Variants in CACNA1I observed in about 807,000 individuals in gnomAD.
CACNA1I encodes the protein voltage-dependent T-type calcium channel subunit alpha-1I.
Under a neutral mutation model 201.6 loss-of-function variants are expected in CACNA1I, and 74 were observed. That is an observed-to-expected ratio of 0.37 (90% confidence interval 0.30 to 0.45). The LOEUF is 0.45. Ranked by LOEUF, CACNA1I falls within the 20% of genes least tolerant of loss-of-function variation. CACNA1I has a pLI of 1.00. For synonymous variants in CACNA1I, 1,431 were observed against 1,345.2 expected (o/e 1.06, Z -1.40); for missense variants, 2,346 against 3,138.1 (o/e 0.75, Z 6.03).
At position 39,624,275 on chromosome 22, in the gene CACNA1I, G is replaced by A. The variant is rs145534882; in HGVS notation, c.580+4868G>A. 1.6e-3 allele frequency among the ~76,000 whole-genome samples: 242 copies of A among 152,240 alleles called. 1 individual carries two copies. Among genetic ancestry groups the A allele is most frequent in the African/African-American group, 5.4e-3 (223 of 41,524 alleles). ...TCCTGGTTCCTCTCCTGCTGTGTGG[G>A]GAGTTCATTAAGCTGCTCCCCGGAG... On this transcript the variant is annotated intron_variant, in intron 4 of 36. Coordinates refer to ENST00000402142, the MANE Select transcript of CACNA1I (RefSeq NM_021096.4).
At chr22:39,662,527 C>T in intron 17 of CACNA1I, 92 bp downstream of exon 17, 1 of 1,009,448 alleles carries the variant, frequency 9.9e-7, no homozygotes, top group Non-Finnish European at 1.4e-6. Flanking sequence ...GCGGGCGGGC[C>T]CACGGGGGGC....
At chr22:39,663,589 CAGAGGAGA>C in intron 18 of CACNA1I, 121 bp from the exon 19 acceptor site, 7 of 1,116,366 alleles carry the variant, frequency 6.3e-6, no homozygotes, top group East Asian at 2.6e-5. Flanking sequence ...GGCACCTGGC[CAGAGGAGA>C]GGATAGGGGT....
chr22:39,685,895 A>ACCC lies in CACNA1I; in HGVS notation c.6164_6166dup (p.Pro2055dup). 1 of 1,424,786 alleles carries ACCC rather than the reference A, an allele frequency of 7.0e-7. No individual in the cohort carries two copies. The highest frequency in any genetic ancestry group is 1.5e-5 in the African/African-American group (1 of 66,386). 88.3% of individuals were successfully genotyped at this position (1,424,786 alleles called of 1,614,324 possible). ...TGGGGCCGCCCGCGCCTGCTCCAGG[A>ACCC]CCCCGGGCCGGCCTGTCCCCCGCCG... On this transcript the variant is annotated inframe_insertion, in exon 37 of 37. Transcript: ENST00000402142. This position sits in a 1 kb window ranked among gnomAD's most constrained non-coding sequence, Gnocchi z 5.0.
At chr22:39,578,214 C>T (rs1932425289) in intron 1 of CACNA1I, among the ~76,000 whole-genome samples, 1 of 152,114 alleles carries the variant, frequency 6.6e-6, no homozygotes, top group Non-Finnish European at 1.5e-5. Flanking sequence ...CCTCCCATCG[C>T]CTGCTGTCCC....
At position 39,662,109 on chromosome 22, in the gene CACNA1I, C is replaced by T. The variant is rs749016977; in HGVS notation, c.3046C>T (p.Arg1016Trp). The change falls in exon 17 of 37, where the codon CGG becomes TGG. Residue 1016 changes from arginine (R) to tryptophan (W), a missense_variant. Arg to Trp is a moderately radical substitution (Grantham distance 101). Around this residue, in one of 13 missense-constraint regions of CACNA1I, gnomAD observed 288 missense variants for 255.2 expected, o/e 1.13. Transcript: ENST00000402142. ...LLSAERGGGA[R>W]VCEVAADEGP... ...CTCTGCGGAGCGCGGCGGCGGCGCC[C>T]GGGTCTGCGAGGTTGCCGCGGACGA... 6 of 1,527,590 alleles carry T rather than the reference C, an allele frequency of 3.9e-6. No homozygotes were observed. The highest frequency in any genetic ancestry group is 1.4e-5 in the African/African-American group (1 of 70,008). The allele number at this position is 1,527,590 out of a possible 1,614,324, so 94.6% of individuals were successfully genotyped here.
At position 39,686,126 on chromosome 22, in the gene CACNA1I, G is replaced by A. The variant is rs1285142987; in HGVS notation, c.6393G>A (p.Ser2131=). The A allele has an allele frequency of 8.0e-7, 1 of 1,249,272 alleles. No homozygotes were observed. The highest frequency in any genetic ancestry group is 1.0e-6 in the Non-Finnish European group (1 of 998,486). 77.4% of individuals were successfully genotyped at this position (1,249,272 alleles called of 1,614,324 possible). Residue 2131 remains serine, a synonymous_variant, in exon 37 of 37, where the codon TCG becomes TCA. Transcript: ENST00000402142. The stretch of plus-strand genomic sequence containing the variant: ...ACTCGGAGACCCTCAGCAGCCTCTC[G>A]CTCACCTCCCTCTTCTGCCCGCCGC... ...SEHSETLSSL[S]LTSLFCPPPP...
chr22:39,627,219 G>A (rs920094838), intron 4 of CACNA1I, among the ~76,000 whole-genome samples: 5 of 152,190 alleles, frequency 3.3e-5, no homozygotes, highest in East Asian at 1.9e-4. Context: ...GTGACACCTC[G>A]AGGCCCTCTC....
chr22:39,615,455 CAG>C, intron 3 of CACNA1I, among the ~76,000 whole-genome samples: 1 of 152,188 alleles, frequency 6.6e-6, no homozygotes, highest in East Asian at 1.9e-4. Context: ...ACTGTCGGGA[CAG>C]AGGGAGGGTG....
chr22:39,686,152 C>G lies in CACNA1I; in HGVS notation c.6419C>G (p.Pro2140Arg). The change falls in exon 37 of 37, where the codon CCC (proline) becomes CGC (arginine). Residue 2140 changes from proline to arginine, a missense_variant. Coordinates refer to ENST00000402142, the MANE Select transcript of CACNA1I (RefSeq NM_021096.4). ...CTCACCTCCCTCTTCTGCCCGCCGC[C>G]CCCGCCGCCAGCCCCCGGCCTCACG... ...LSLTSLFCPPPPPPAPGLTPA... is the reference protein window; with the variant it reads ...LSLTSLFCPPRPPPAPGLTPA... 7.8e-7 allele frequency: 1 copy of G among 1,282,146 alleles called. No individual in the cohort carries two copies. 79.4% of individuals were successfully genotyped at this position (1,282,146 alleles called of 1,614,324 possible). A position where few individuals can be genotyped will look rare whatever the true frequency, so the allele number is the denominator to read the frequency against.
At chr22:39,662,567 G>GCTTC in intron 17 of CACNA1I, 132 bp downstream of exon 17, 1 of 754,726 alleles carries the variant, frequency 1.3e-6, no homozygotes, top group East Asian at 2.8e-5. Flanking sequence ...AGCGGCTAGG[G>GCTTC]CTTCAGGTGT....
intron 5 of CACNA1I, among the ~76,000 whole-genome samples, chr22:39,636,192 C>T (rs976591037): frequency 6.6e-6 from 1 of 152,204 alleles, no homozygotes; most frequent in Non-Finnish European, 1.5e-5. Context: ...GACTCTGCGT[C>T]CCGTTCCCTG....
intron 31 of CACNA1I, among the ~76,000 whole-genome samples, chr22:39,678,562 G>A (rs1227837586): frequency 1.3e-5 from 2 of 152,296 alleles, no homozygotes; most frequent in African/African-American, 4.8e-5. Flanking sequence ...AGGGTGGAGA[G>A]GGCAGAGGTA....
chr22:39,627,777 A>C (rs1160919887), intron 4 of CACNA1I, among the ~76,000 whole-genome samples: 2 of 152,208 alleles, frequency 1.3e-5, no homozygotes, highest in Admixed American at 6.5e-5. Context: ...CTTGGACTTC[A>C]GGGCTGTCTG....
intron 3 of CACNA1I, among the ~76,000 whole-genome samples, chr22:39,604,367 C>G (rs528192657): frequency 2.4e-4 from 37 of 152,064 alleles, no homozygotes; most frequent in Non-Finnish European, 4.9e-4. Context: ...CTGGATGAGG[C>G]GAGGTCTGCA....
chr22:39,656,900 C>T (rs1343997664), intron 10 of CACNA1I, among the ~76,000 whole-genome samples: 1 of 152,198 alleles, frequency 6.6e-6, no homozygotes, highest in Admixed American at 6.5e-5. Flanking sequence ...GTGATTCAGG[C>T]AGGGATGACC....
At chr22:39,593,723 A>G (rs1845534647) in intron 1 of CACNA1I, among the ~76,000 whole-genome samples, 1 of 152,164 alleles carries the variant, frequency 6.6e-6, no homozygotes, top group African/African-American at 2.4e-5. Context: ...TGGCAGTGGC[A>G]AAACAGCTTG....
chr22:39,641,016 A>G lies in CACNA1I; in HGVS notation c.890A>G (p.Lys297Arg), dbSNP rs1339182180. 1 of 1,613,932 alleles carries G rather than the reference A, an allele frequency of 6.2e-7. No homozygotes were observed. Among genetic ancestry groups the G allele is most frequent in the Non-Finnish European group, 8.5e-7 (1 of 1,179,910 alleles). The part of the protein sequence containing the change: ...KEQGRECCLS[K>R]DDVYDFGAGR... ...CAGGGCCGTGAGTGCTGCCTGTCCAAGGACGACGTCTACGACTTTGGGGCG... is the reference window on the plus strand; with the variant it reads ...CAGGGCCGTGAGTGCTGCCTGTCCAGGGACGACGTCTACGACTTTGGGGCG... Residue 297 changes from lysine to arginine, a missense_variant, in exon 6 of 37, where the codon AAG becomes AGG. Coordinates refer to ENST00000402142, the MANE Select transcript of CACNA1I (RefSeq NM_021096.4).
chr22:39,571,604 G>T (rs1282276217), intron 1 of CACNA1I, among the ~76,000 whole-genome samples: 1 of 150,722 alleles, frequency 6.6e-6, no homozygotes, highest in African/African-American at 2.5e-5. Flanking sequence ...CCCACCACTT[G>T]GCTTCCCCCC....
chr22:39,631,316 G>C (rs937349859), intron 4 of CACNA1I, among the ~76,000 whole-genome samples: 1 of 152,190 alleles, frequency 6.6e-6, no homozygotes, highest in Non-Finnish European at 1.5e-5. Flanking sequence ...AGGACTCCAG[G>C]GTCCTCTTCC....
Sources: allele counts gnomAD v4.1 joint callset (sites outside exome capture counted in the v4.1 genomes callset), GRCh38; gene constraint gnomAD v4.1.1; regional missense constraint gnomAD v4.1.1; non-coding constraint Gnocchi (gnomAD v3.1); transcripts MANE v1.5; gene names NCBI Gene and HGNC (gene_info 2026-07-23, HGNC 2026-07-21).